POU2F1: variants seen among roughly 807,000 people sequenced by gnomAD.
POU2F1 encodes POU class 2 homeobox 1, also known as POU domain, class 2, transcription factor 1.
A neutral mutation model predicts 84.9 loss-of-function variants in POU2F1; 16 were observed. The observed-to-expected ratio is 0.19, with a 90% confidence interval of 0.13 to 0.29. The LOEUF is 0.29. Ranked by LOEUF, POU2F1 falls within the 10% of genes least tolerant of loss-of-function variation. The pLI is 1.00. For missense variants in POU2F1, 738 were observed against 942.6 expected (o/e 0.78, Z 2.84); for synonymous variants, 368 against 368.3 (o/e 1.00, Z 0.01).
rs776372214 is a variant in POU2F1 at position 167,412,204 on chromosome 1, C to G, written c.1801C>G (p.Gln601Glu). 5.0e-6 allele frequency: 8 copies of G among 1,612,178 alleles called. No individual in the cohort carries two copies. The highest frequency in any genetic ancestry group is 6.8e-6 in the Non-Finnish European group (8 of 1,179,120). ...GLQTAAAAALQGAAQLPANAS... is the reference protein window; with the variant it reads ...GLQTAAAAALEGAAQLPANAS... ...GCAAACAGCAGCAGCTGCTGCCCTT[C>G]AAGGAGCTGCACAGTTGCCAGCAAA... Residue 601 changes from glutamine (Q) to glutamate (E), a missense_variant, in exon 14 of 16, where the codon CAA becomes GAA. Physicochemically the swap from Gln to Glu is conservative, Grantham distance 29. Around this residue, in one of 4 missense-constraint regions of POU2F1, gnomAD observed 319 missense variants for 386.0 expected, o/e 0.83. Transcript: ENST00000367866.
At position 167,274,485 on chromosome 1, in the gene POU2F1, A is replaced by G. The variant is rs538273560; in HGVS notation, c.61+53527A>G. On this transcript the variant is annotated intron_variant, in intron 1 of 15. Transcript: ENST00000367866. ...TTTACTATTTCTGACAAATTTCTAT[A>G]GAACATGTGGGTCTATGAGGAAGGT... is the stretch of plus-strand genomic sequence containing the variant. Among the ~76,000 whole-genome samples, 3 of 152,258 alleles carry G rather than the reference A, an allele frequency of 2.0e-5. No homozygotes were observed. In the East Asian group the frequency reaches 5.8e-4, roughly 29 times the overall value.
intron 1 of POU2F1, among the ~76,000 whole-genome samples, chr1:167,313,764 T>C (rs1383961818): frequency 3.3e-5 from 5 of 152,218 alleles, no homozygotes; most frequent in African/African-American, 1.2e-4. Context: ...AATATTTTGC[T>C]ATGTGCAAAC....
At position 167,316,999 on chromosome 1, in the gene POU2F1, C is replaced by T. The variant is rs1655951988; in HGVS notation, c.62-15471C>T. Among the ~76,000 whole-genome samples, 3 of 152,318 alleles carry T rather than the reference C, an allele frequency of 2.0e-5. No homozygotes were observed. In the South Asian group the frequency reaches 6.2e-4, roughly 32 times the overall value. ...TTCTGCCTCCTGGGTTCAAGCAATTCTCGTGCCTCAGCCTCCTCAGTAGCT... is the reference window on the plus strand; with the variant it reads ...TTCTGCCTCCTGGGTTCAAGCAATTTTCGTGCCTCAGCCTCCTCAGTAGCT... On this transcript the variant is annotated intron_variant, in intron 1 of 15. Coordinates refer to ENST00000367866, the MANE Select transcript of POU2F1 (RefSeq NM_002697.4).
At chr1:167,362,511 G>GC (rs770123965) in intron 2 of POU2F1, among the ~76,000 whole-genome samples, 4 of 152,160 alleles carry the variant, frequency 2.6e-5, no homozygotes, top group Non-Finnish European at 5.9e-5. Context: ...GAAGGTTTAG[G>GC]CCACTACCTT....
chr1:167,329,420 G>T, intron 1 of POU2F1: 1 of 1,245,376 alleles, frequency 8.0e-7, no homozygotes, highest in Non-Finnish European at 1.1e-6. Context: ...GGGAGGGGGA[G>T]AGTTGGACTG....
chr1:167,299,117 C>T (rs998524941), intron 1 of POU2F1, among the ~76,000 whole-genome samples: 5 of 142,532 alleles, frequency 3.5e-5, no homozygotes, highest in Admixed American at 7.5e-5. Flanking sequence ...GAGCCGATAT[C>T]GCACCATTGC....
intron 8 of POU2F1, among the ~76,000 whole-genome samples, chr1:167,385,473 A>G (rs902543142): frequency 3.9e-5 from 6 of 152,208 alleles, no homozygotes; most frequent in Non-Finnish European, 2.9e-5. Context: ...GGATAGAAAT[A>G]GAGATCAGTG....
intron 15 of POU2F1, 87 bp downstream of exon 15, chr1:167,413,201 G>C: frequency 8.3e-7 from 1 of 1,206,274 alleles, no homozygotes. Context: ...TTGAGACAGA[G>C]ATAGAGGAAG....
intron 1 of POU2F1, among the ~76,000 whole-genome samples, chr1:167,235,377 A>G (rs1019717345): frequency 6.6e-6 from 1 of 152,200 alleles, no homozygotes; most frequent in African/African-American, 2.4e-5. Context: ...CTCTTATGTT[A>G]TGAGAGACAT....
intron 1 of POU2F1, among the ~76,000 whole-genome samples, chr1:167,287,075 C>T (rs932155405): frequency 6.6e-6 from 1 of 152,128 alleles, no homozygotes; most frequent in African/African-American, 2.4e-5. Flanking sequence ...AGCTGAGGAT[C>T]CCTGTATAGA....
chr1:167,374,492 G>A (rs73024281), intron 6 of POU2F1, among the ~76,000 whole-genome samples, 196 bp downstream of exon 6: 15,573 of 152,226 alleles, frequency 0.1, 1,931 homozygotes, highest in African/African-American at 0.3. Flanking sequence ...AGTTGATATT[G>A]TAAACATATA....
chr1:167,386,383 G>A (rs1305532813), intron 8 of POU2F1, among the ~76,000 whole-genome samples: 4 of 152,080 alleles, frequency 2.6e-5, no homozygotes, highest in Non-Finnish European at 4.4e-5. Flanking sequence ...ATGGGGTTTC[G>A]CCATGTTGCC....
chr1:167,366,955 A>T (rs1659716575), intron 3 of POU2F1, among the ~76,000 whole-genome samples: 1 of 152,184 alleles, frequency 6.6e-6, no homozygotes, highest in Non-Finnish European at 1.5e-5. Flanking sequence ...TGCACAGATG[A>T]TGTGCAGTTT....
intron 1 of POU2F1, among the ~76,000 whole-genome samples, chr1:167,243,180 C>T (rs937181702): frequency 7.9e-5 from 12 of 152,134 alleles, no homozygotes; most frequent in East Asian, 1.9e-4. Flanking sequence ...GGAATCTGAC[C>T]GGTTAATGTT....
chr1:167,309,785 T>G (rs551074294), intron 1 of POU2F1, among the ~76,000 whole-genome samples: 2 of 152,282 alleles, frequency 1.3e-5, no homozygotes, highest in Admixed American at 1.3e-4. Flanking sequence ...GCTGTTACAT[T>G]TAAGGTGTTA....
chr1:167,407,273 A>G (rs1223983218), intron 13 of POU2F1, among the ~76,000 whole-genome samples: 2 of 151,956 alleles, frequency 1.3e-5, no homozygotes, highest in Non-Finnish European at 2.9e-5. Flanking sequence ...CAAGCAATTC[A>G]CCCACCTTGG....
At chr1:167,266,244 G>GA (rs1161684463) in intron 1 of POU2F1, among the ~76,000 whole-genome samples, 2 of 152,132 alleles carry the variant, frequency 1.3e-5, no homozygotes, top group African/African-American at 4.8e-5. Flanking sequence ...TTGAAACCTG[G>GA]AGCATACCCT....
At chr1:167,351,904 A>G (rs1327467247) in intron 2 of POU2F1, among the ~76,000 whole-genome samples, 1 of 152,076 alleles carries the variant, frequency 6.6e-6, no homozygotes, top group Non-Finnish European at 1.5e-5. Context: ...TGTTCATAGG[A>G]TATAGATTTC....
chr1:167,354,180 A>G (rs1466030531), intron 2 of POU2F1, among the ~76,000 whole-genome samples: 3 of 152,226 alleles, frequency 2.0e-5, no homozygotes, highest in Admixed American at 1.3e-4. Flanking sequence ...ATTGATGGAC[A>G]TTTGGGTTAT....
Sources: gnomAD v4.1 joint callset for allele counts (sites outside exome capture counted in the v4.1 genomes callset) on GRCh38, gnomAD v4.1.1 for gene constraint, gnomAD v4.1.1 regional missense constraint, MANE v1.5 for transcripts, NCBI Gene and HGNC (gene_info 2026-07-23, HGNC 2026-07-21) for gene names.